DSG2: variants seen among roughly 807,000 people sequenced by gnomAD.
DSG2 encodes desmoglein-2.
DSG2 carries 45 observed loss-of-function variants against 75.6 expected under a neutral mutation model. The observed-to-expected ratio is 0.60, with a 90% CI of 0.47 to 0.76. DSG2 has a LOEUF of 0.76. Among genes scored for constraint, DSG2 ranks in the 30% least tolerant of loss-of-function variants. The pLI, the probability that DSG2 is intolerant of heterozygous loss-of-function variation, is 0.00. For missense variants in DSG2, 1,267 were observed against 1,357.4 expected, an observed-to-expected ratio of 0.93 and a Z score of 1.05; for synonymous variants, 429 against 483.9, an observed-to-expected ratio of 0.89 and a Z score of 1.49.
intron 1 of DSG2, among the ~76,000 whole-genome samples, chr18:31,507,613 C>T (rs1275338902): frequency 3.9e-5 from 6 of 152,104 alleles, no homozygotes; most frequent in South Asian, 2.1e-4. Context: ...TTTTAATGAT[C>T]GCCATTCTAA....
At chr18:31,537,211 A>G (rs1303754474) in intron 11 of DSG2, among the ~76,000 whole-genome samples, 1 of 152,260 alleles carries the variant, frequency 6.6e-6, no homozygotes, top group Admixed American at 6.5e-5. Context: ...AATCATTTTA[A>G]GAGGGTTTGA....
At chr18:31,523,820 G>A (rs952804331) in intron 6 of DSG2, among the ~76,000 whole-genome samples, 1 of 152,210 alleles carries the variant, frequency 6.6e-6, no homozygotes, top group Non-Finnish European at 1.5e-5. Context: ...GCCAGAATTG[G>A]AACCCAGGCA....
intron 2 of DSG2, among the ~76,000 whole-genome samples, chr18:31,518,795 G>A (rs2073109833): frequency 6.6e-6 from 1 of 151,862 alleles, no homozygotes; most frequent in Non-Finnish European, 1.5e-5. Context: ...ATTACATAGA[G>A]CAACAAAATG....
chr18:31,534,524 T>TTG (rs2073216838), intron 9 of DSG2, among the ~76,000 whole-genome samples: 1 of 149,564 alleles, frequency 6.7e-6, no homozygotes, highest in African/African-American at 2.5e-5. Context: ...TTTTTTTTTT[T>TTG]TTTTGAGATG....
Position 31,546,825 on chromosome 18 carries a change from G to A in DSG2, c.*82G>A. On this transcript the variant is annotated 3_prime_UTR_variant, in exon 15 of 15. Coordinates refer to ENST00000261590, the MANE Select transcript of DSG2 (RefSeq NM_001943.5). ...TTCCAATGTACCTGATTTTTCATGAGCCTTACAGACACACAGAGACACATA... is the reference window on the plus strand; with the variant it reads ...TTCCAATGTACCTGATTTTTCATGAACCTTACAGACACACAGAGACACATA... The A allele has an allele frequency of 1.4e-6, 2 of 1,468,918 alleles. No individual in the cohort carries two copies. Among genetic ancestry groups the A allele is most frequent in the Non-Finnish European group, 1.9e-6 (2 of 1,049,598 alleles). The allele number at this position is 1,468,918 out of a possible 1,614,324, so 91.0% of individuals were successfully genotyped here. A position where few individuals can be genotyped will look rare whatever the true frequency, so the allele number is the denominator to read the frequency against.
intron 14 of DSG2, among the ~76,000 whole-genome samples, chr18:31,543,866 A>T (rs1405402707): frequency 6.9e-6 from 1 of 145,464 alleles, no homozygotes; most frequent in Non-Finnish European, 1.5e-5. Flanking sequence ...ACTCTGTCTA[A>T]AAAAAAAAAA....
At chr18:31,530,560 G>A (rs1370542144) in intron 8 of DSG2, among the ~76,000 whole-genome samples, 1 of 152,006 alleles carries the variant, frequency 6.6e-6, no homozygotes, top group Non-Finnish European at 1.5e-5. Context: ...TAGGACCACA[G>A]GCACGAGCTA....
rs919875624 is a variant in DSG2, at chr18:31,546,199, C to A, written c.2813C>A (p.Thr938Asn). ...TCTAGAAATGTGATAGCAACAGAAA[C>A]TTCCTATGTCACAGGGTCCACTATG... The part of the protein sequence containing the change: ...MASRNVIATE[T>N]SYVTGSTMPP... The change falls in exon 15 of 15, where the codon ACT becomes AAT. Residue 938 changes from threonine to asparagine, a missense_variant. Physicochemically the swap from Thr to Asn is moderately conservative, Grantham distance 65. Transcript: ENST00000261590. 9.3e-6 allele frequency: 15 copies of A among 1,613,538 alleles called. No individual in the cohort carries two copies. Among genetic ancestry groups the A allele is most frequent in the Non-Finnish European group, 1.3e-5 (15 of 1,179,724 alleles).
At position 31,524,210 on chromosome 18, in the gene DSG2, A is replaced by G. The variant is rs969367417; in HGVS notation, c.691-238A>G. The stretch of plus-strand genomic sequence containing the variant: ...GCTCCTTTGTGCAGACTATCTCCTG[A>G]TAATATCACCAATGACTTATTGAAG... On this transcript the variant is annotated intron_variant, in intron 6 of 14. Coordinates refer to ENST00000261590, the MANE Select transcript of DSG2 (RefSeq NM_001943.5). Among the ~76,000 whole-genome samples, 4 of 152,224 alleles carry G rather than the reference A, an allele frequency of 2.6e-5. No homozygotes were observed. The South Asian group carries it at 6.2e-4, about 24-fold the overall frequency.
chr18:31,516,476 A>G (rs1456268619), intron 1 of DSG2, among the ~76,000 whole-genome samples: 1 of 152,208 alleles, frequency 6.6e-6, no homozygotes, highest in Non-Finnish European at 1.5e-5. Context: ...TGGAATGCCT[A>G]TTTTAGAAAT....
chr18:31,541,132 A>G lies in DSG2; in HGVS notation c.1880-61A>G, dbSNP rs1433906201. 3.7e-6 allele frequency: 6 copies of G among 1,610,630 alleles called. No homozygotes were observed. The East Asian group carries it at 8.9e-5, about 24-fold the overall frequency. On this transcript the variant is annotated intron_variant, in intron 12 of 14. Transcript: ENST00000261590. ...GACATGCAAATTCCAAAATTGTGCA[A>G]TATAAATTTAGAAATATATCAAGGT...
At chr18:31,525,608 G>A (rs1384146329) in intron 8 of DSG2, among the ~76,000 whole-genome samples, 12 of 151,904 alleles carry the variant, frequency 7.9e-5, no homozygotes, top group Non-Finnish European at 1.6e-4. Context: ...TGATAGTTAA[G>A]TGTGCCTAAG....
At chr18:31,524,124 G>T (rs576095069) in intron 6 of DSG2, among the ~76,000 whole-genome samples, 2 of 152,340 alleles carry the variant, frequency 1.3e-5, no homozygotes, top group South Asian at 4.1e-4. Flanking sequence ...AGGACAGAAA[G>T]AACCAATTCC....
At chr18:31,532,992 C>A (rs2073207522) in intron 9 of DSG2, among the ~76,000 whole-genome samples, 1 of 152,036 alleles carries the variant, frequency 6.6e-6, no homozygotes, top group Non-Finnish European at 1.5e-5. Flanking sequence ...GAATAATGAA[C>A]CCTGCCTTTT....
In DSG2 at chr18:31,538,883, A is replaced by G. The variant is rs371326860; in HGVS notation, c.1784A>G (p.His595Arg). The change falls in exon 12 of 15, where the codon CAT becomes CGT. Residue 595 changes from histidine (H) to arginine (R), a missense_variant. His to Arg is a conservative substitution (Grantham distance 29). Transcript: ENST00000261590. ...ACACTCACAGTTTGTGAGTGTCTGC[A>G]TGGCAGCGGCTGCAGGGAAGCACAG... ...VLTLTVCECL[H>R]GSGCREAQHD... The G allele has an allele frequency of 1.2e-5, 19 of 1,614,022 alleles. No homozygotes were observed. The East Asian group carries it at 3.3e-4, about 28-fold the overall frequency.
intron 6 of DSG2, among the ~76,000 whole-genome samples, chr18:31,523,729 T>C (rs935145198): frequency 6.6e-6 from 1 of 152,214 alleles, no homozygotes; most frequent in African/African-American, 2.4e-5. Context: ...GCAGATTCAC[T>C]TATTATCCTC....
At chr18:31,534,952 G>T (rs1481685518) in intron 9 of DSG2, among the ~76,000 whole-genome samples, 1 of 152,174 alleles carries the variant, frequency 6.6e-6, no homozygotes, top group Non-Finnish European at 1.5e-5. Flanking sequence ...AACTTTAAGG[G>T]ACACTAAATC....
At chr18:31,536,568 T>C in intron 11 of DSG2, 139 bp downstream of exon 11, 1 of 846,622 alleles carries the variant, frequency 1.2e-6, no homozygotes, top group South Asian at 1.6e-5. Flanking sequence ...GTCCTGAACC[T>C]ACTGACATAT....
At chr18:31,519,761 T>A in intron 2 of DSG2, 42 bp from the exon 3 acceptor site, 1 of 1,598,842 alleles carries the variant, frequency 6.3e-7, no homozygotes, top group Non-Finnish European at 8.6e-7. Context: ...TGTTCTATAT[T>A]TATGACACAT....
Sources: allele counts gnomAD v4.1 joint callset (sites outside exome capture counted in the v4.1 genomes callset), GRCh38; gene constraint gnomAD v4.1.1; transcripts MANE v1.5; gene names NCBI Gene and HGNC (gene_info 2026-07-23, HGNC 2026-07-21).